The following CERS3 variants were observed in gnomAD, a reference collection of about 807,000 sequenced individuals.
CERS3 encodes the protein ceramide synthase 3, also known as LAG1 homolog, ceramide synthase 3.
In CERS3, 33 loss-of-function variants were observed where a neutral mutation model predicts 50.3. The observed-to-expected ratio is 0.66, with a 90% CI of 0.50 to 0.88. The LOEUF (loss-of-function observed/expected upper bound fraction) is 0.88, where lower values mean the gene tolerates loss of function less well. Among genes scored for constraint, CERS3 ranks in the 40% least tolerant of loss-of-function variants. The pLI is 0.00. For missense variants in CERS3, 470 were observed against 460.3 expected, an observed-to-expected ratio of 1.02 and a Z score of -0.19; for synonymous variants, 176 against 155.2, an observed-to-expected ratio of 1.13 and a Z score of -0.99.
At chr15:100,418,139 C>T (rs1200371870) in intron 11 of CERS3, among the ~76,000 whole-genome samples, 4 of 151,632 alleles carry the variant, frequency 2.6e-5, no homozygotes, top group African/African-American at 4.9e-5. Context: ...CTCTGAGCTA[C>T]GGGAGGACAT....
chr15:100,450,924 C>G (rs548310488), intron 11 of CERS3, among the ~76,000 whole-genome samples: 1 of 152,074 alleles, frequency 6.6e-6, no homozygotes, highest in Non-Finnish European at 1.5e-5. Context: ...GGGGGGGAAC[C>G]TGTTAGCCAA....
At chr15:100,438,736 A>C (rs1313974075) in intron 11 of CERS3, among the ~76,000 whole-genome samples, 2 of 152,260 alleles carry the variant, frequency 1.3e-5, no homozygotes, top group African/African-American at 2.4e-5. Context: ...ATGGCTGGGC[A>C]GGTTGCCAAG....
intron 1 of CERS3, among the ~76,000 whole-genome samples, chr15:100,541,172 T>C (rs1053276970): frequency 6.6e-6 from 1 of 152,106 alleles, no homozygotes; most frequent in Non-Finnish European, 1.5e-5. Context: ...GGGTCCAGTA[T>C]CTTGGAAGGC....
At chr15:100,454,974 G>A (rs1485960801) in intron 11 of CERS3, among the ~76,000 whole-genome samples, 1 of 152,098 alleles carries the variant, frequency 6.6e-6, no homozygotes, top group African/African-American at 2.4e-5. Context: ...CAACAGACAT[G>A]TGAAAAAATG....
At chr15:100,407,913 C>A (rs1277395024) in intron 11 of CERS3, among the ~76,000 whole-genome samples, 1 of 151,646 alleles carries the variant, frequency 6.6e-6, no homozygotes, top group East Asian at 1.9e-4. Flanking sequence ...TTCTTGTTGC[C>A]CAGGCTGGAG....
chr15:100,492,358 T>C (rs921826127), intron 3 of CERS3, among the ~76,000 whole-genome samples: 1 of 152,228 alleles, frequency 6.6e-6, no homozygotes, highest in Non-Finnish European at 1.5e-5. Flanking sequence ...TCTGTCAGTT[T>C]TTACTCCACG....
In CERS3 at chr15:100,505,782, C is replaced by T. The variant is rs184143206; in HGVS notation, c.-1-3932G>A. On this transcript the variant is annotated intron_variant, in intron 2 of 11. Transcript: ENST00000679737. ...CAGGACCCTGGGATGCTGGGGTGGGCGGATCGCCTGAGCCCAGGAATTCAA... is the reference window on the plus strand; with the variant it reads ...CAGGACCCTGGGATGCTGGGGTGGGTGGATCGCCTGAGCCCAGGAATTCAA... Among the ~76,000 whole-genome samples, 36 of 152,254 alleles carry T rather than the reference C, an allele frequency of 2.4e-4. 1 individual carries two copies. In the East Asian group the frequency reaches 4.2e-3, roughly 18 times the overall value.
At chr15:100,532,741 A>G (rs1353713331), upstream of CERS3, among the ~76,000 whole-genome samples, 1 of 152,236 alleles carries the variant, frequency 6.6e-6, no homozygotes, top group African/African-American at 2.4e-5. Flanking sequence ...ACTGGGCGAC[A>G]GAGTAAGACC....
At chr15:100,405,940 T>A (rs1367812606) in intron 11 of CERS3, among the ~76,000 whole-genome samples, 1 of 152,272 alleles carries the variant, frequency 6.6e-6, no homozygotes, top group African/African-American at 2.4e-5. Context: ...GTTGTCAGGA[T>A]ATTTTTATTA....
At chr15:100,540,374 C>T (rs2142437488) in intron 1 of CERS3, among the ~76,000 whole-genome samples, 1 of 152,318 alleles carries the variant, frequency 6.6e-6, no homozygotes, top group East Asian at 1.9e-4. Context: ...AAAACCCTGT[C>T]TCTACTGAAA....
chr15:100,467,290 C>A (rs2034777783), intron 10 of CERS3, among the ~76,000 whole-genome samples: 2 of 76,528 alleles, frequency 2.6e-5, no homozygotes, highest in Admixed American at 3.6e-4. Context: ...ACTCCTAGAA[C>A]CATGAGAAAT....
chr15:100,442,242 C>T (rs906290828), intron 11 of CERS3, among the ~76,000 whole-genome samples: 1 of 152,166 alleles, frequency 6.6e-6, no homozygotes, highest in African/African-American at 2.4e-5. Context: ...CACTTTACAG[C>T]CCTAGACCCT....
At chr15:100,425,600 T>C (rs2032764944) in intron 11 of CERS3, among the ~76,000 whole-genome samples, 1 of 152,202 alleles carries the variant, frequency 6.6e-6, no homozygotes, top group Non-Finnish European at 1.5e-5. Flanking sequence ...TTGGAACTAA[T>C]TAATTGCTGT....
At chr15:100,411,690 T>C (rs1024120790) in intron 11 of CERS3, among the ~76,000 whole-genome samples, 2 of 152,216 alleles carry the variant, frequency 1.3e-5, no homozygotes, top group Admixed American at 1.3e-4. Context: ...ATCATGTGGT[T>C]AAGCCTATGT....
intron 11 of CERS3, among the ~76,000 whole-genome samples, chr15:100,452,521 G>T (rs916624427): frequency 6.6e-6 from 1 of 152,008 alleles, no homozygotes; most frequent in African/African-American, 2.4e-5. Context: ...TAAGAGGGAA[G>T]TTTATAGCAA....
At chr15:100,463,445 A>AG (rs2034616379) in intron 10 of CERS3, among the ~76,000 whole-genome samples, 2 of 151,318 alleles carry the variant, frequency 1.3e-5, no homozygotes, top group Non-Finnish European at 1.5e-5. Context: ...GAAAAAAAAA[A>AG]AAAAAAAAAA....
intron 2 of CERS3, among the ~76,000 whole-genome samples, chr15:100,505,091 AT>A (rs1451456858): frequency 1.3e-5 from 2 of 152,204 alleles, no homozygotes; most frequent in Non-Finnish European, 2.9e-5. Context: ...GGGCAAAGAT[AT>A]TTTTTTCCTA....
chr15:100,506,158 C>A (rs1353789707), intron 2 of CERS3, among the ~76,000 whole-genome samples: 2 of 151,792 alleles, frequency 1.3e-5, no homozygotes, highest in African/African-American at 2.4e-5. Flanking sequence ...CAATGATGAC[C>A]CACAGAATGG....
intron 7 of CERS3, among the ~76,000 whole-genome samples, chr15:100,476,687 T>C (rs1419167562): frequency 6.6e-6 from 1 of 152,186 alleles, no homozygotes; most frequent in African/African-American, 2.4e-5. Flanking sequence ...AAATATCTTC[T>C]GAATAAAATA....
Sources: gnomAD v4.1 joint callset for allele counts (sites outside exome capture counted in the v4.1 genomes callset) on GRCh38, gnomAD v4.1.1 for gene constraint, MANE v1.5 for transcripts, NCBI Gene and HGNC (gene_info 2026-07-23, HGNC 2026-07-21) for gene names.